CLCN5: variants seen among roughly 807,000 people sequenced by gnomAD.
CLCN5 encodes the protein Cl-/H+ antiporter 5.
A neutral mutation model predicts 54.0 loss-of-function variants in CLCN5; 17 were observed. The ratio of observed to expected loss-of-function variants is 0.31; its 90% CI spans 0.22 to 0.47. CLCN5 has a LOEUF of 0.47. Ranked by LOEUF, CLCN5 falls within the 20% of genes least tolerant of loss-of-function variation. CLCN5 has a pLI of 1.00. For missense variants in CLCN5, 448 were observed against 646.7 expected (o/e 0.69, Z 3.33); for synonymous variants, 222 against 233.0 (o/e 0.95, Z 0.43).
rs1932247875 is a variant in CLCN5 at position 50,042,264 on chromosome X, T to A, written c.17-52T>A. On this transcript the variant is annotated intron_variant, in intron 3 of 14. Coordinates refer to ENST00000376091, the MANE Select transcript of CLCN5 (RefSeq NM_001127898.4). ...TGGTTCAAATGGCAAATGTTACGTGTAAGGGACTTGAAGATCATTGTTATA... is the reference window on the plus strand; with the variant it reads ...TGGTTCAAATGGCAAATGTTACGTGAAAGGGACTTGAAGATCATTGTTATA... 3 of 666,278 alleles carry A rather than the reference T, an allele frequency of 4.5e-6. No individual in the cohort carries two copies. In the East Asian group the frequency reaches 1.1e-4, roughly 25 times the overall value. The allele number at this position is 666,278 out of a possible 1,213,427, so 54.9% of individuals were successfully genotyped here.
chrX:49,951,799 C>T (rs1367568010), intron 3 of CLCN5, among the ~76,000 whole-genome samples: 17 of 111,860 alleles, frequency 1.5e-4, no homozygotes, highest in African/African-American at 4.9e-4. Context: ...CTTCACCAAA[C>T]GGAAACTCTG....
chrX:49,941,880 T>C (rs1926352405), intron 3 of CLCN5, among the ~76,000 whole-genome samples: 1 of 108,012 alleles, frequency 9.3e-6, no homozygotes, highest in African/African-American at 3.4e-5. Context: ...TCAATATCTT[T>C]TTTTTACCTG....
rs1931453733 is a variant in CLCN5, at chrX:50,027,238, A to G, written c.17-15078A>G. On this transcript the variant is annotated intron_variant, in intron 3 of 14. Transcript: ENST00000376091. ...ACCATGTTGGCCAGGCTGGTTTTGA[A>G]CTCCTGACCTCGTGATCCGCCCACC... Among the ~76,000 whole-genome samples the G allele has an allele frequency of 3.7e-5, 4 of 108,860 alleles. No individual in the cohort carries two copies. The Admixed American group carries it at 3.9e-4, about 11-fold the overall frequency. 94.5% of individuals were successfully genotyped at this position (108,860 alleles called of 115,157 possible).
intron 3 of CLCN5, among the ~76,000 whole-genome samples, chrX:49,977,114 TC>T (rs1557177028): frequency 9.0e-6 from 1 of 111,157 alleles, no homozygotes; most frequent in Non-Finnish European, 1.9e-5. Context: ...TTTGGATTGT[TC>T]CTTTGGGTTG....
chrX:50,009,926 G>C, intron 3 of CLCN5: 1 of 290,392 alleles, frequency 3.4e-6, no homozygotes, highest in Non-Finnish European at 6.8e-6. Flanking sequence ...TGGGCACCAT[G>C]ATGGGCATTG....
chrX:50,027,760 T>C (rs782018360), intron 3 of CLCN5, among the ~76,000 whole-genome samples: 19 of 109,777 alleles, frequency 1.7e-4, no homozygotes, highest in Admixed American at 8.8e-4. Context: ...ATACCTTGTA[T>C]TTTTTTGTTG....
At chrX:50,072,345 G>A (rs1470355915) in intron 5 of CLCN5, 144 bp from the exon 6 acceptor site, 1 of 502,320 alleles carries the variant, frequency 2.0e-6, no homozygotes, top group Non-Finnish European at 3.6e-6. Context: ...TAGTGAAACT[G>A]GTTCAGCTAA....
At chrX:49,935,682 G>C (rs1472271633) in intron 3 of CLCN5, among the ~76,000 whole-genome samples, 1 of 111,608 alleles carries the variant, frequency 9.0e-6, no homozygotes, top group Non-Finnish European at 1.9e-5. Context: ...TCCACGCAAA[G>C]AGTTGGGGGA....
rs1308983629 is a variant in CLCN5, at chrX:49,923,397, A to C, written c.-204-10A>C. Reference sequence around the variant, plus strand: ...ACATTGACGCACGTTTCCTTTGATTAACATTTCAGAGCAAATCAGTTGCCT... The same window carrying C: ...ACATTGACGCACGTTTCCTTTGATTCACATTTCAGAGCAAATCAGTTGCCT... On this transcript the variant is annotated splice_polypyrimidine_tract_variant and intron_variant, in intron 1 of 14. Transcript: ENST00000376091. The C allele has an allele frequency of 8.9e-6, 1 of 112,830 alleles. No homozygotes were observed. Among genetic ancestry groups the C allele is most frequent in the Non-Finnish European group, 1.9e-5 (1 of 53,399 alleles). The allele number at this position is 112,830 out of a possible 1,213,427, so 9.3% of individuals were successfully genotyped here. A position where few individuals can be genotyped will look rare whatever the true frequency, so the allele number is the denominator to read the frequency against.
At chrX:50,016,181 T>C (rs977908602) in intron 3 of CLCN5, among the ~76,000 whole-genome samples, 2 of 111,459 alleles carry the variant, frequency 1.8e-5, no homozygotes, top group Non-Finnish European at 3.8e-5. Context: ...GCAATCTGTG[T>C]TTTAACAGCC....
At position 50,093,316 on chromosome X, in the gene CLCN5, C is replaced by T. The variant is rs904058356; in HGVS notation, c.*1097C>T. ...ACTGGACACTCATTGTACCTCCCAGCGATAAGTATGTGTAACAGGCCAGTG... is the reference window on the plus strand; with the variant it reads ...ACTGGACACTCATTGTACCTCCCAGTGATAAGTATGTGTAACAGGCCAGTG... On this transcript the variant is annotated 3_prime_UTR_variant, in exon 15 of 15. Transcript: ENST00000376091. 1 of 112,289 alleles carries T rather than the reference C, an allele frequency of 8.9e-6. No homozygotes were observed. The highest frequency in any genetic ancestry group is 9.4e-5 in the Admixed American group (1 of 10,587). The allele number at this position is 112,289 out of a possible 1,213,427, so 9.3% of individuals were successfully genotyped here.
intron 3 of CLCN5, among the ~76,000 whole-genome samples, chrX:49,955,752 G>A (rs1557173831): frequency 9.0e-6 from 1 of 111,382 alleles, no homozygotes; most frequent in African/African-American, 3.3e-5. Flanking sequence ...TTTCCCCAGA[G>A]GTAGAAATCT....
intron 3 of CLCN5, among the ~76,000 whole-genome samples, chrX:50,017,679 A>G (rs782189287): frequency 2.0e-5 from 2 of 99,374 alleles, no homozygotes; most frequent in South Asian, 8.6e-4. Flanking sequence ...CTACCTCTAG[A>G]TTCATTTTTT....
chrX:50,030,781 A>G (rs1375795985), intron 3 of CLCN5, among the ~76,000 whole-genome samples: 1 of 112,515 alleles, frequency 8.9e-6, no homozygotes, highest in Non-Finnish European at 1.9e-5. Context: ...TAAAATTTTT[A>G]TCTGTTAATC....
chrX:50,032,927 C>CATT (rs1557186065), intron 3 of CLCN5, among the ~76,000 whole-genome samples: 2 of 111,398 alleles, frequency 1.8e-5, no homozygotes, highest in Non-Finnish European at 3.8e-5. Flanking sequence ...CCAGTTTCAG[C>CATT]TTTCTACATA....
chrX:50,017,415 TC>T (rs1406554818), intron 3 of CLCN5, among the ~76,000 whole-genome samples: 2 of 112,404 alleles, frequency 1.8e-5, no homozygotes, highest in East Asian at 2.8e-4. Context: ...CAAATATTTT[TC>T]CCATGTGTGA....
chrX:49,995,877 A>G (rs1370408965), intron 3 of CLCN5, among the ~76,000 whole-genome samples: 1 of 111,833 alleles, frequency 8.9e-6, no homozygotes, highest in South Asian at 3.8e-4. Flanking sequence ...TATTAGGAGC[A>G]CCAGCACAGG....
chrX:50,079,168 A>G (rs1557192666), intron 7 of CLCN5, among the ~76,000 whole-genome samples: 1 of 108,095 alleles, frequency 9.3e-6, no homozygotes, highest in Non-Finnish European at 1.9e-5. Flanking sequence ...TTTTCCTTTC[A>G]CTCCCTTACC....
At chrX:50,029,936 A>T (rs998932424) in intron 3 of CLCN5, among the ~76,000 whole-genome samples, 23 of 111,949 alleles carry the variant, frequency 2.1e-4, no homozygotes, top group Non-Finnish European at 4.0e-4. Flanking sequence ...ACATGCACAC[A>T]TATGTTTATT....
Sources: allele counts gnomAD v4.1 joint callset (sites outside exome capture counted in the v4.1 genomes callset), GRCh38; gene constraint gnomAD v4.1.1; transcripts MANE v1.5; gene names NCBI Gene and HGNC (gene_info 2026-07-23, HGNC 2026-07-21).